Variants in GFRA1 observed in about 807,000 individuals in gnomAD.
GFRA1 encodes the protein GDNF family receptor alpha-1.
GFRA1 carries 16 observed loss-of-function variants against 51.6 expected under a neutral mutation model. That is an observed-to-expected ratio of 0.31 (90% CI 0.21 to 0.47). GFRA1 has a LOEUF of 0.47. GFRA1 is among the 20% of genes least tolerant of loss of function. The pLI, the probability that GFRA1 is intolerant of heterozygous loss-of-function variation, is 1.00. For missense variants in GFRA1, 530 were observed against 594.3 expected (o/e 0.89, Z 1.13); for synonymous variants, 270 against 241.3 (o/e 1.12, Z -1.10).
At chr10:116,156,752 C>A (rs1959210498) in intron 5 of GFRA1, among the ~76,000 whole-genome samples, 1 of 152,208 alleles carries the variant, frequency 6.6e-6, no homozygotes, top group Non-Finnish European at 1.5e-5. Flanking sequence ...TGCATTTAAT[C>A]TCTGCTATTG....
chr10:116,110,551 T>C (rs923661395), intron 6 of GFRA1, among the ~76,000 whole-genome samples: 4 of 152,160 alleles, frequency 2.6e-5, no homozygotes, highest in Non-Finnish European at 5.9e-5. Flanking sequence ...AGCCTAGGAA[T>C]ACTGGGGAGC....
chr10:116,089,795 T>C lies in GFRA1; in HGVS notation c.1143A>G (p.Ala381=). The C allele has an allele frequency of 6.2e-7, 1 of 1,614,170 alleles. No individual in the cohort carries two copies. The highest frequency in any genetic ancestry group is 1.1e-5 in the South Asian group (1 of 91,082). The part of the protein sequence containing the change: ...LRVKNKPLGP[A]GSENEIPTHV... ...GAGTGGGAATTTCATTCTCAGACCC[T>C]GCTGGCCCCAGGGGCTTGTTCTTAA... is the stretch of plus-strand genomic sequence containing the variant. Residue 381 remains alanine (A), a synonymous_variant, in exon 9 of 11, where the codon GCA becomes GCG. Transcript: ENST00000355422.
At chr10:116,162,653 T>A (rs1959947862) in intron 5 of GFRA1, among the ~76,000 whole-genome samples, 1 of 152,242 alleles carries the variant, frequency 6.6e-6, no homozygotes, top group South Asian at 2.1e-4. Context: ...GTTGAAAACT[T>A]TCCACTAACA....
rs1208473034 is a variant in GFRA1 at position 116,152,590 on chromosome 10, C to G, written c.434-27033G>C. 2.0e-5 allele frequency among the ~76,000 whole-genome samples: 3 copies of G among 152,294 alleles called. No individual in the cohort carries two copies. In the East Asian group the frequency reaches 5.8e-4, roughly 29 times the overall value. ...TGTTAAACCATTCACGAGGGATCTG[C>G]CCGCCTGACCCAATCACCTCCCACC... is the stretch of plus-strand genomic sequence containing the variant. On this transcript the variant is annotated intron_variant, in intron 5 of 10. Coordinates refer to ENST00000355422, the MANE Select transcript of GFRA1 (RefSeq NM_005264.8).
chr10:116,144,397 T>A (rs1421432575), intron 5 of GFRA1, among the ~76,000 whole-genome samples: 2 of 152,074 alleles, frequency 1.3e-5, no homozygotes, highest in African/African-American at 4.8e-5. Flanking sequence ...TTCAAGCTAG[T>A]GAATATTAAC....
At chr10:116,217,545 A>G (rs970150756) in intron 4 of GFRA1, among the ~76,000 whole-genome samples, 1 of 152,230 alleles carries the variant, frequency 6.6e-6, no homozygotes, top group African/African-American at 2.4e-5. Flanking sequence ...AATGCCTAGG[A>G]GGACAGTCAA....
chr10:116,104,242 G>A (rs1263096687), intron 6 of GFRA1, among the ~76,000 whole-genome samples: 2 of 152,232 alleles, frequency 1.3e-5, no homozygotes, highest in Non-Finnish European at 2.9e-5. Context: ...CAGCCTTCAA[G>A]CCTTTCCTAA....
intron 5 of GFRA1, among the ~76,000 whole-genome samples, chr10:116,138,635 AC>A (rs368825109): frequency 6.3e-4 from 76 of 120,240 alleles, no homozygotes; most frequent in Middle Eastern, 8.8e-3. Flanking sequence ...GATGGTAGGA[AC>A]CCCCCCCCGA....
chr10:116,147,902 G>GT (rs1958879159), intron 5 of GFRA1, among the ~76,000 whole-genome samples: 2 of 147,218 alleles, frequency 1.4e-5, no homozygotes, highest in Admixed American at 6.9e-5. Context: ...GCCGCAGGTG[G>GT]CTTTTTTTTG....
At chr10:116,085,851 G>C (rs570561088) in intron 9 of GFRA1, among the ~76,000 whole-genome samples, 4 of 152,166 alleles carry the variant, frequency 2.6e-5, no homozygotes, top group African/African-American at 9.7e-5. Context: ...GTCTGAAGTC[G>C]GAGCTTTGCC....
intron 4 of GFRA1, among the ~76,000 whole-genome samples, chr10:116,265,294 T>G (rs1969573864): frequency 2.0e-5 from 3 of 152,208 alleles, no homozygotes; most frequent in Non-Finnish European, 4.4e-5. Context: ...AACATTACTC[T>G]TTCCCTACCA....
intron 9 of GFRA1, among the ~76,000 whole-genome samples, chr10:116,066,274 C>T (rs1055093998): frequency 2.4e-4 from 37 of 152,318 alleles, no homozygotes; most frequent in Middle Eastern, 3.4e-3. Context: ...AAACCACTCA[C>T]TAGTCACTGT....
intron 4 of GFRA1, among the ~76,000 whole-genome samples, chr10:116,250,427 A>G (rs546393505): frequency 6.6e-6 from 1 of 152,310 alleles, no homozygotes; most frequent in African/African-American, 2.4e-5. Context: ...TTGATGATGA[A>G]CTTGGTGATC....
intron 4 of GFRA1, among the ~76,000 whole-genome samples, chr10:116,247,143 T>A (rs1360508308): frequency 6.6e-6 from 1 of 152,088 alleles, no homozygotes; most frequent in African/African-American, 2.4e-5. Flanking sequence ...CTGCCCCATC[T>A]CAGAAAATGG....
chr10:116,129,554 A>G (rs1236767758), intron 5 of GFRA1, among the ~76,000 whole-genome samples: 4 of 152,170 alleles, frequency 2.6e-5, no homozygotes, highest in Admixed American at 1.3e-4. Flanking sequence ...TGAAAAACCT[A>G]TAACTAAAGT....
chr10:116,068,660 A>C (rs559667284), intron 9 of GFRA1, among the ~76,000 whole-genome samples: 1 of 152,298 alleles, frequency 6.6e-6, no homozygotes, highest in Non-Finnish European at 1.5e-5. Context: ...GCAGATCCAG[A>C]GTCTACTTAA....
intron 4 of GFRA1, among the ~76,000 whole-genome samples, chr10:116,214,063 C>G (rs893771405): frequency 2.0e-5 from 3 of 152,054 alleles, no homozygotes; most frequent in Non-Finnish European, 4.4e-5. Flanking sequence ...ATGCCACTGC[C>G]CAGAGACTGT....
chr10:116,223,071 C>T (rs575864974), intron 4 of GFRA1, among the ~76,000 whole-genome samples: 1 of 152,026 alleles, frequency 6.6e-6, no homozygotes, highest in African/African-American at 2.4e-5. Flanking sequence ...GAATCAATAG[C>T]CCGTGGATAC....
chr10:116,116,226 T>C (rs1957407342), intron 6 of GFRA1, among the ~76,000 whole-genome samples: 1 of 152,098 alleles, frequency 6.6e-6, no homozygotes, highest in Non-Finnish European at 1.5e-5. Flanking sequence ...TCTGGAGTAG[T>C]TGGGATTACA....
Sources: gnomAD v4.1 joint callset for allele counts (sites outside exome capture counted in the v4.1 genomes callset) on GRCh38, gnomAD v4.1.1 for gene constraint, MANE v1.5 for transcripts, NCBI Gene and HGNC (gene_info 2026-07-23, HGNC 2026-07-21) for gene names.